The following CREB5 variants were observed in gnomAD, a reference collection of about 807,000 sequenced individuals.
CREB5 encodes the protein cAMP responsive element binding protein 5, also known as cyclic AMP-responsive element-binding protein 5.
A neutral mutation model predicts 57.1 loss-of-function variants in CREB5; 19 were observed. The observed-to-expected ratio is 0.33, with a 90% CI of 0.23 to 0.49. CREB5 has a LOEUF of 0.49. Among genes scored for constraint, CREB5 ranks in the 20% least tolerant of loss-of-function variants. The probability of loss-of-function intolerance (pLI) is 0.99; values close to 1 mark genes in which losing one functional copy is unlikely to be tolerated. For missense variants in CREB5, 579 were observed against 671.6 expected (o/e 0.86, Z 1.52); for synonymous variants, 238 against 238.3 (o/e 1.00, Z 0.01).
chr7:28,395,785 C>CTTTA (rs533912919), intron 1 of CREB5, among the ~76,000 whole-genome samples: 6 of 151,814 alleles, frequency 4.0e-5, no homozygotes, highest in African/African-American at 1.5e-4. Context: ...TTTCTTTTTT[C>CTTTA]TTTCTTTCTT....
chr7:28,463,717 C>T (rs73075872), intron 1 of CREB5, among the ~76,000 whole-genome samples: 7,546 of 152,104 alleles, frequency 0.05, 269 homozygotes, highest in East Asian at 0.14. Context: ...TTTCTGATTG[C>T]TCATTGCTGG....
intron 5 of CREB5, among the ~76,000 whole-genome samples, chr7:28,653,559 A>G (rs183351767): frequency 2.0e-5 from 3 of 152,326 alleles, no homozygotes; most frequent in Admixed American, 6.5e-5. Context: ...GCTGGACATC[A>G]CCTCACATTA....
intron 1 of CREB5, among the ~76,000 whole-genome samples, chr7:28,469,540 C>G (rs1414307972): frequency 6.6e-6 from 1 of 152,202 alleles, no homozygotes; most frequent in Non-Finnish European, 1.5e-5. Context: ...ATTAATGTCT[C>G]TGCCAATGAA....
intron 1 of CREB5, among the ~76,000 whole-genome samples, chr7:28,312,187 T>C (rs564610458): frequency 8.1e-4 from 80 of 99,042 alleles, no homozygotes; most frequent in African/African-American, 2.3e-3. Flanking sequence ...ACTTAGCTAA[T>C]TGATAAAAAA....
intron 7 of CREB5, among the ~76,000 whole-genome samples, chr7:28,750,071 GACA>G (rs1804894647): frequency 6.6e-6 from 1 of 152,078 alleles, no homozygotes; most frequent in Non-Finnish European, 1.5e-5. Flanking sequence ...CACAGCAATA[GACA>G]ACATTTCAAA....
chr7:28,670,106 G>T (rs973111840), intron 5 of CREB5, among the ~76,000 whole-genome samples: 7 of 152,208 alleles, frequency 4.6e-5, no homozygotes, highest in African/African-American at 1.7e-4. Flanking sequence ...CACTTTTCAA[G>T]ACCCCCAGTG....
chr7:28,667,620 C>A (rs537394689), intron 5 of CREB5, among the ~76,000 whole-genome samples: 46 of 151,726 alleles, frequency 3.0e-4, no homozygotes, highest in African/African-American at 1.1e-3. Context: ...AAGATGAAAC[C>A]GTTAAAAAAG....
intron 1 of CREB5, among the ~76,000 whole-genome samples, chr7:28,415,688 A>G (rs1787997123): frequency 6.6e-6 from 1 of 152,296 alleles, no homozygotes; most frequent in Admixed American, 6.5e-5. Flanking sequence ...AGTAAAAACC[A>G]GGCAGGACTA....
rs547199843 is a variant in CREB5 at position 28,736,330 on chromosome 7, C to T, written c.702+11998C>T. Among the ~76,000 whole-genome samples, 68 of 151,972 alleles carry T rather than the reference C, an allele frequency of 4.5e-4. No individual in the cohort carries two copies. The East Asian group carries it at 7.2e-3, about 16-fold the overall frequency. ...GATTACAGGCATGCACCACCACGCC[C>T]GGCTAATTTTGTATTTTTAGTAAAG... is the stretch of plus-strand genomic sequence containing the variant. On this transcript the variant is annotated intron_variant, in intron 7 of 10. Transcript: ENST00000357727.
intron 5 of CREB5, among the ~76,000 whole-genome samples, chr7:28,657,809 T>C (rs1469915874): frequency 6.6e-6 from 1 of 151,586 alleles, no homozygotes; most frequent in African/African-American, 2.4e-5. Context: ...ACCAATCAGC[T>C]ATCCAAGCCA....
intron 4 of CREB5, among the ~76,000 whole-genome samples, chr7:28,555,863 T>A (rs1794843883): frequency 6.6e-6 from 1 of 152,242 alleles, no homozygotes; most frequent in African/African-American, 2.4e-5. Context: ...TATTATTTCT[T>A]AGTCTATCAA....
Position 28,560,855 on chromosome 7 carries a change from T to TGCGTGCGTGCGCGTGTGCGTGC in CREB5, c.292-9509_292-9508insCGTGCGTGCGCGTGTGCGTGCG, listed in dbSNP as rs1554344299. On this transcript the variant is annotated intron_variant, in intron 4 of 10. Transcript: ENST00000357727. ...GCGCGTGTGTGTGTGCGCGTGTGTG[T>TGCGTGCGTGCGCGTGTGCGTGC]GTGCGTGTGCCTGCGTGCGCGTGCG... Among the ~76,000 whole-genome samples the TGCGTGCGTGCGCGTGTGCGTGC allele has an allele frequency of 3.5e-5, 2 of 56,388 alleles. 1 individual carries two copies. Among genetic ancestry groups the TGCGTGCGTGCGCGTGTGCGTGC allele is most frequent in the Admixed American group, 3.8e-4 (2 of 5,302 alleles). The allele number at this position is 56,388 out of a possible 152,430, so 37.0% of individuals were successfully genotyped here. A position where few individuals can be genotyped will look rare whatever the true frequency, so the allele number is the denominator to read the frequency against.
chr7:28,714,747 G>A (rs1037611098), intron 5 of CREB5, among the ~76,000 whole-genome samples: 2 of 152,212 alleles, frequency 1.3e-5, no homozygotes, highest in African/African-American at 4.8e-5. Flanking sequence ...GTAGAAAGAG[G>A]AATAATCTGT....
At chr7:28,572,232 G>T (rs781089020) in intron 5 of CREB5, among the ~76,000 whole-genome samples, 2 of 152,154 alleles carry the variant, frequency 1.3e-5, no homozygotes, top group Non-Finnish European at 2.9e-5. Flanking sequence ...GGGTGCGTTT[G>T]GTTTTCTATT....
intron 1 of CREB5, among the ~76,000 whole-genome samples, chr7:28,414,633 G>A (rs1321176879): frequency 6.6e-6 from 1 of 152,050 alleles, no homozygotes. Flanking sequence ...TAAATACAAA[G>A]TCTGGCACTT....
intron 1 of CREB5, among the ~76,000 whole-genome samples, chr7:28,430,916 T>A (rs1202852558): frequency 6.6e-6 from 1 of 152,102 alleles, no homozygotes; most frequent in Non-Finnish European, 1.5e-5. Context: ...TGGGGGAAGA[T>A]CTCCCTCCAG....
intron 1 of CREB5, among the ~76,000 whole-genome samples, chr7:28,342,601 T>TCAAGAAA (rs1785958873): frequency 6.6e-6 from 1 of 152,228 alleles, no homozygotes; most frequent in Admixed American, 6.5e-5. Flanking sequence ...AGTTTCAAAC[T>TCAAGAAA]TCTATACAGT....
At chr7:28,756,963 A>G (rs1182227427) in intron 7 of CREB5, among the ~76,000 whole-genome samples, 1 of 152,204 alleles carries the variant, frequency 6.6e-6, no homozygotes, top group African/African-American at 2.4e-5. Context: ...TGTATAGTCA[A>G]CTGTTAATAA....
intron 1 of CREB5, among the ~76,000 whole-genome samples, chr7:28,368,407 A>G (rs111718985): frequency 0.015 from 2,350 of 152,300 alleles, 62 homozygotes; most frequent in African/African-American, 0.054. Context: ...TTAATATAGA[A>G]AAAAGAAAAA....
Sources: allele counts gnomAD v4.1 joint callset (sites outside exome capture counted in the v4.1 genomes callset), GRCh38; gene constraint gnomAD v4.1.1; transcripts MANE v1.5; gene names NCBI Gene and HGNC (gene_info 2026-07-23, HGNC 2026-07-21).